Variants in ERLIN1 observed in about 807,000 individuals in gnomAD.
ERLIN1 encodes erlin-1.
Under a neutral mutation model 46.9 loss-of-function variants are expected in ERLIN1, and 24 were observed. That is an observed-to-expected ratio of 0.51 (90% confidence interval 0.37 to 0.72). The LOEUF is 0.72. Among genes scored for constraint, ERLIN1 ranks in the 30% least tolerant of loss-of-function variants. The probability of loss-of-function intolerance (pLI) is 0.00; values close to 1 mark genes in which losing one functional copy is unlikely to be tolerated. For synonymous variants in ERLIN1, 158 were observed against 143.2 expected (o/e 1.10, Z -0.74); for missense variants, 293 against 417.9 (o/e 0.70, Z 2.61).
At chr10:100,163,937 T>C in intron 8 of ERLIN1, 67 bp downstream of exon 8, 4 of 1,060,382 alleles carry the variant, frequency 3.8e-6, no homozygotes, top group Non-Finnish European at 2.8e-6. Flanking sequence ...ATACCCAAAA[T>C]GAGACTGACA....
chr10:100,153,697 T>G (rs1842923634), intron 10 of ERLIN1, among the ~76,000 whole-genome samples: 1 of 152,242 alleles, frequency 6.6e-6, no homozygotes, highest in Non-Finnish European at 1.5e-5. Context: ...GGTTAGTATC[T>G]GAGTCACATT....
intron 6 of ERLIN1, among the ~76,000 whole-genome samples, chr10:100,172,030 T>C (rs111584794): frequency 6.6e-6 from 1 of 152,210 alleles, no homozygotes. Context: ...AAACAGGGCA[T>C]ACACTTTGAT....
intron 4 of ERLIN1, among the ~76,000 whole-genome samples, chr10:100,176,901 T>C (rs1338512189): frequency 6.6e-6 from 1 of 152,102 alleles, no homozygotes; most frequent in Non-Finnish European, 1.5e-5. Flanking sequence ...GGTGGGTGGA[T>C]CATTTGAGTC....
At chr10:100,160,657 A>C (rs867025526) in intron 8 of ERLIN1, among the ~76,000 whole-genome samples, 1 of 152,126 alleles carries the variant, frequency 6.6e-6, no homozygotes, top group African/African-American at 2.4e-5. Context: ...ATGTAGAAAA[A>C]ATTTTCAGAC....
chr10:100,177,643 T>C lies in ERLIN1; in HGVS notation c.304+490A>G, dbSNP rs558709089. On this transcript the variant is annotated intron_variant, in intron 4 of 10. Transcript: ENST00000421367. ...TCTTTCTTCAGGGCTTCTAATTAAGTTTTTGATTACAACAGTACCTACCCA... is the reference window on the plus strand; with the variant it reads ...TCTTTCTTCAGGGCTTCTAATTAAGCTTTTGATTACAACAGTACCTACCCA... Among the ~76,000 whole-genome samples the C allele has an allele frequency of 8.5e-5, 13 of 152,334 alleles. No individual in the cohort carries two copies. The East Asian group carries it at 2.3e-3, about 27-fold the overall frequency.
chr10:100,177,865 A>C (rs1844398734), intron 4 of ERLIN1, among the ~76,000 whole-genome samples: 1 of 152,246 alleles, frequency 6.6e-6, no homozygotes, highest in African/African-American at 2.4e-5. Flanking sequence ...TGACTGGATA[A>C]AATACTACTT....
intron 8 of ERLIN1, among the ~76,000 whole-genome samples, chr10:100,163,293 T>C (rs573934933): frequency 5.0e-4 from 74 of 149,420 alleles, no homozygotes; most frequent in Non-Finnish European, 9.0e-4. Context: ...AACTTCAGAA[T>C]AGAAGTTAAT....
chr10:100,183,478 C>G (rs568843383), intron 2 of ERLIN1, among the ~76,000 whole-genome samples: 13 of 152,330 alleles, frequency 8.5e-5, no homozygotes, highest in African/African-American at 3.1e-4. Context: ...TTTATTGTGA[C>G]AGCAGCAACA....
At chr10:100,180,149 A>G (rs749700383) in intron 2 of ERLIN1, among the ~76,000 whole-genome samples, 1 of 152,276 alleles carries the variant, frequency 6.6e-6, no homozygotes, top group South Asian at 2.1e-4. Context: ...TGAACCAACA[A>G]TCTGGTACTT....
In ERLIN1 at chr10:100,151,929, A is replaced by T; in HGVS notation, c.*202T>A. 1.6e-6 allele frequency: 1 copy of T among 630,552 alleles called. No homozygotes were observed. The allele number at this position is 630,552 out of a possible 1,614,324, so 39.1% of individuals were successfully genotyped here. A position where few individuals can be genotyped will look rare whatever the true frequency, so the allele number is the denominator to read the frequency against. On this transcript the variant is annotated 3_prime_UTR_variant, in exon 11 of 11. Coordinates refer to ENST00000421367, the MANE Select transcript of ERLIN1 (RefSeq NM_006459.4). The stretch of plus-strand genomic sequence containing the variant: ...GAAAGGAATACATATAGGATACTTG[A>T]TAAGACTGTGGCTGAAAAGACCATT...
chr10:100,185,095 G>A (rs145865884), intron 1 of ERLIN1, among the ~76,000 whole-genome samples: 291 of 152,012 alleles, frequency 1.9e-3, no homozygotes, highest in African/African-American at 6.8e-3. Flanking sequence ...GTTACAAGAC[G>A]TAACCAGACA....
At chr10:100,182,913 C>T (rs1419436934) in intron 2 of ERLIN1, among the ~76,000 whole-genome samples, 1 of 152,178 alleles carries the variant, frequency 6.6e-6, no homozygotes, top group Non-Finnish European at 1.5e-5. Context: ...GGGAAGAATA[C>T]ATTTCACTTC....
intron 6 of ERLIN1, among the ~76,000 whole-genome samples, chr10:100,167,678 AG>A (rs1843721542): frequency 6.6e-6 from 1 of 152,238 alleles, no homozygotes; most frequent in East Asian, 1.9e-4. Flanking sequence ...CTTATGAAAA[AG>A]GTTCTCACTT....
chr10:100,159,821 A>ACTT (rs1394668068), intron 8 of ERLIN1, among the ~76,000 whole-genome samples: 1 of 151,988 alleles, frequency 6.6e-6, no homozygotes, highest in Non-Finnish European at 1.5e-5. Context: ...GAAAAGACTT[A>ACTT]AACTTAACTA....
At chr10:100,163,503 C>T (rs965742837) in intron 8 of ERLIN1, among the ~76,000 whole-genome samples, 1 of 151,932 alleles carries the variant, frequency 6.6e-6, no homozygotes, top group Non-Finnish European at 1.5e-5. Flanking sequence ...CAGCATCAAC[C>T]GAGGGCCAAA....
intron 5 of ERLIN1, 121 bp downstream of exon 5, chr10:100,175,824 C>G: frequency 2.8e-6 from 2 of 723,884 alleles, no homozygotes; most frequent in Non-Finnish European, 4.1e-6. Flanking sequence ...GACAATTGCT[C>G]TATGATAAAT....
intron 8 of ERLIN1, among the ~76,000 whole-genome samples, chr10:100,162,300 C>T (rs1843399484): frequency 6.6e-6 from 1 of 152,104 alleles, no homozygotes; most frequent in Non-Finnish European, 1.5e-5. Context: ...TTCAACTTTA[C>T]TAACAATCAG....
Position 100,155,793 on chromosome 10 carries a change from C to T in ERLIN1, c.745+352G>A, listed in dbSNP as rs546885710. Among the ~76,000 whole-genome samples the T allele has an allele frequency of 5.3e-5, 8 of 152,274 alleles. No homozygotes were observed. The South Asian group carries it at 1.2e-3, about 24-fold the overall frequency. ...CCTCCCAAAGTGCTGGGATTACAGG[C>T]GTGAGCCACGGCGCCCGGCCAGAGA... On this transcript the variant is annotated intron_variant, in intron 9 of 10. Coordinates refer to ENST00000421367, the MANE Select transcript of ERLIN1 (RefSeq NM_006459.4).
chr10:100,163,468 T>C (rs1478368997), intron 8 of ERLIN1, among the ~76,000 whole-genome samples: 3 of 151,996 alleles, frequency 2.0e-5, no homozygotes, highest in South Asian at 2.1e-4. Flanking sequence ...AATTGAATTA[T>C]TTAATTAAAG....
Sources: allele counts gnomAD v4.1 joint callset (sites outside exome capture counted in the v4.1 genomes callset), GRCh38; gene constraint gnomAD v4.1.1; transcripts MANE v1.5; gene names NCBI Gene and HGNC (gene_info 2026-07-23, HGNC 2026-07-21).